RBFOX1: variants seen among roughly 807,000 people sequenced by gnomAD.
RBFOX1 encodes RNA binding fox-1 homolog 1, also known as RNA binding protein fox-1 homolog 1.
RBFOX1 carries 8 observed loss-of-function variants against 57.7 expected under a neutral mutation model. That is an observed-to-expected ratio of 0.14 (90% CI 0.08 to 0.25). The LOEUF (loss-of-function observed/expected upper bound fraction) is 0.25. Ranked by LOEUF, RBFOX1 falls within the 10% of genes least tolerant of loss-of-function variation. RBFOX1 has a pLI of 1.00. For missense variants in RBFOX1, 611 were observed against 548.5 expected, an observed-to-expected ratio of 1.11 and a Z score of -1.14; for synonymous variants, 326 against 222.4, an observed-to-expected ratio of 1.47 and a Z score of -4.15.
At chr16:7,523,712 G>C (rs569075345) in intron 5 of RBFOX1, among the ~76,000 whole-genome samples, 2 of 152,202 alleles carry the variant, frequency 1.3e-5, no homozygotes, top group South Asian at 4.2e-4. Context: ...ACTGGTATTG[G>C]GTAAGTGCGG....
intron 1 of RBFOX1, among the ~76,000 whole-genome samples, chr16:6,141,440 A>G (rs1355890176): frequency 6.6e-6 from 1 of 152,008 alleles, no homozygotes; most frequent in Non-Finnish European, 1.5e-5. Flanking sequence ...TCTGTTAGGG[A>G]CCACACTCAA....
intron 2 of RBFOX1, among the ~76,000 whole-genome samples, chr16:5,470,623 C>A (rs142504343): frequency 1.3e-5 from 2 of 152,222 alleles, no homozygotes; most frequent in Non-Finnish European, 2.9e-5. Flanking sequence ...TAAATCCATG[C>A]AGCATCTGAG....
intron 4 of RBFOX1, among the ~76,000 whole-genome samples, chr16:7,235,413 AACAG>A (rs2093717728): frequency 6.6e-6 from 1 of 152,228 alleles, no homozygotes; most frequent in Non-Finnish European, 1.5e-5. Flanking sequence ...TACTGAAAAG[AACAG>A]ACAGAGATGT....
intron 3 of RBFOX1, among the ~76,000 whole-genome samples, chr16:6,934,071 C>A (rs540292589): frequency 6.6e-6 from 1 of 152,146 alleles, no homozygotes; most frequent in Non-Finnish European, 1.5e-5. Flanking sequence ...TGAGGGTAGG[C>A]GTACGACAGC....
At chr16:7,067,515 CTGTTTTCTTTTTT>C (rs756915598) in intron 4 of RBFOX1, among the ~76,000 whole-genome samples, 17 of 150,926 alleles carry the variant, frequency 1.1e-4, no homozygotes, top group Admixed American at 9.2e-4. Flanking sequence ...ACTGAGGTCC[CTGTTTTCTTTTTT>C]TGTTTTCTTT....
chr16:6,520,948 A>G lies in RBFOX1; in HGVS notation c.-63-133655A>G, dbSNP rs188873324. Among the ~76,000 whole-genome samples the G allele has an allele frequency of 5.1e-4, 77 of 150,874 alleles. 1 individual carries two copies. The highest frequency in any genetic ancestry group is 4.1e-3 in the East Asian group (21 of 5,078). The stretch of plus-strand genomic sequence containing the variant: ...AGTGTTGGAAAGAGTGTAGGGGGGG[A>G]AAAAAATAATTGCTTCGCCACTAGA... On this transcript the variant is annotated intron_variant, in intron 2 of 15. Coordinates refer to ENST00000550418, the MANE Select transcript of RBFOX1 (RefSeq NM_018723.4).
At chr16:7,141,025 G>A (rs1157010000) in intron 4 of RBFOX1, among the ~76,000 whole-genome samples, 2 of 152,146 alleles carry the variant, frequency 1.3e-5, no homozygotes, top group Non-Finnish European at 2.9e-5. Flanking sequence ...CTCCAGCTTT[G>A]CAGAGCTCTG....
At chr16:5,301,930 T>C (rs945692422) in intron 1 of RBFOX1, among the ~76,000 whole-genome samples, 5 of 152,194 alleles carry the variant, frequency 3.3e-5, no homozygotes, top group African/African-American at 1.2e-4. Context: ...CTATTGTTCA[T>C]ATGTTTTTTA....
chr16:7,109,145 G>A (rs1457096558), intron 4 of RBFOX1, among the ~76,000 whole-genome samples: 2 of 152,176 alleles, frequency 1.3e-5, no homozygotes, highest in East Asian at 3.9e-4. Context: ...CAAGGTGAAT[G>A]TACTGGATTT....
chr16:7,371,631 T>A (rs2147340252), intron 4 of RBFOX1, among the ~76,000 whole-genome samples: 1 of 152,124 alleles, frequency 6.6e-6, no homozygotes, highest in African/African-American at 2.4e-5. Context: ...GCGCCTATAA[T>A]CCCAGCTACT....
intron 3 of RBFOX1, among the ~76,000 whole-genome samples, chr16:6,772,323 T>G (rs1219684931): frequency 6.6e-6 from 1 of 152,178 alleles, no homozygotes; most frequent in Non-Finnish European, 1.5e-5. Flanking sequence ...TCGATTGTGC[T>G]CAAACAGTGA....
chr16:5,890,611 C>A (rs562601404), intron 4 of RBFOX1, among the ~76,000 whole-genome samples: 1 of 148,998 alleles, frequency 6.7e-6, no homozygotes, highest in African/African-American at 2.5e-5. Flanking sequence ...GCAGGAGAAT[C>A]GCTTGAACCC....
intron 3 of RBFOX1, among the ~76,000 whole-genome samples, chr16:6,839,130 A>C (rs1188330466): frequency 6.8e-6 from 1 of 146,502 alleles, no homozygotes. Context: ...GATTACAGGC[A>C]CACACCACCA....
chr16:6,941,732 T>C (rs1179839699), intron 3 of RBFOX1, among the ~76,000 whole-genome samples: 1 of 152,128 alleles, frequency 6.6e-6, no homozygotes, highest in Non-Finnish European at 1.5e-5. Flanking sequence ...GGATTTGGCT[T>C]CTGAGAATGT....
intron 2 of RBFOX1, among the ~76,000 whole-genome samples, chr16:5,504,468 A>C (rs1035110302): frequency 3.3e-5 from 5 of 152,254 alleles, no homozygotes; most frequent in African/African-American, 1.2e-4. Context: ...TTTCTGACCA[A>C]GAGCTGAGGC....
At position 6,661,489 on chromosome 16, in the gene RBFOX1, C is replaced by A. The variant is rs550144531; in HGVS notation, c.-16+6839C>A. ...TTTATCAGGCCAATGCATTAGGGTT[C>A]TGTGTCAATCCTCTGTCCCCACAGA... On this transcript the variant is annotated intron_variant, in intron 3 of 15. Transcript: ENST00000550418. Among the ~76,000 whole-genome samples, 8 of 152,324 alleles carry A rather than the reference C, an allele frequency of 5.3e-5. No homozygotes were observed. The East Asian group carries it at 1.5e-3, about 29-fold the overall frequency.
Position 7,292,127 on chromosome 16 carries a change from T to G in RBFOX1, c.28-226020T>G, listed in dbSNP as rs867462298. Among the ~76,000 whole-genome samples, 19 of 79,092 alleles carry G rather than the reference T, an allele frequency of 2.4e-4. No individual in the cohort carries two copies. The South Asian group carries it at 6.5e-3, about 27-fold the overall frequency. 51.9% of individuals were successfully genotyped at this position (79,092 alleles called of 152,430 possible). On this transcript the variant is annotated intron_variant, in intron 4 of 15. Transcript: ENST00000550418. ...CATGTATTATGTATAATATATAATA[T>G]ATAATGTATTACGTATGATATATAA...
intron 5 of RBFOX1, among the ~76,000 whole-genome samples, chr16:7,536,364 T>A (rs1403004872): frequency 6.6e-6 from 1 of 152,094 alleles, no homozygotes; most frequent in African/African-American, 2.4e-5. Flanking sequence ...GAGGCCAAGG[T>A]GGGTGGATCT....
intron 4 of RBFOX1, among the ~76,000 whole-genome samples, chr16:7,295,395 A>G (rs1157056306): frequency 6.6e-6 from 1 of 152,202 alleles, no homozygotes; most frequent in Non-Finnish European, 1.5e-5. Context: ...TCAACTGGTC[A>G]GGGGCTGAAA....
Sources: allele counts gnomAD v4.1 joint callset (sites outside exome capture counted in the v4.1 genomes callset), GRCh38; gene constraint gnomAD v4.1.1; transcripts MANE v1.5; gene names NCBI Gene and HGNC (gene_info 2026-07-23, HGNC 2026-07-21).